Variants in TASP1 observed in about 807,000 individuals in gnomAD.
The protein encoded by TASP1 is threonine aspartase 1.
In TASP1, 16 loss-of-function variants were observed where a neutral mutation model predicts 56.6. The ratio of observed to expected loss-of-function variants is 0.28; its 90% confidence interval spans 0.19 to 0.43. The LOEUF (loss-of-function observed/expected upper bound fraction) is 0.43, where lower values mean the gene tolerates loss of function less well. Among genes scored for constraint, TASP1 ranks in the 20% least tolerant of loss-of-function variants. The pLI is 1.00. For synonymous variants in TASP1, 179 were observed against 184.2 expected (o/e 0.97, Z 0.23); for missense variants, 393 against 511.6 (o/e 0.77, Z 2.24).
At chr20:13,496,485 TAA>T (rs56129321) in intron 10 of TASP1, among the ~76,000 whole-genome samples, 57,827 of 146,536 alleles carry the variant, frequency 0.39, 11,359 homozygotes, top group Non-Finnish European at 0.43. Context: ...ATTTCCTACT[TAA>T]AAAAAAAAAA....
chr20:13,120,410 G>C, the TASP1 span, among the ~76,000 whole-genome samples: 3 of 152,184 alleles, frequency 2.0e-5, no homozygotes, highest in Non-Finnish European at 4.4e-5. Flanking sequence ...CTGAAACTGT[G>C]TATAATTTCA....
At chr20:13,334,422 C>A in the TASP1 span, among the ~76,000 whole-genome samples, 1 of 152,106 alleles carries the variant, frequency 6.6e-6, no homozygotes, top group South Asian at 2.1e-4. Flanking sequence ...TTAATGTGTT[C>A]TTTTAACTGG....
chr20:13,637,498 C>T (rs1156833648), intron 1 of TASP1, among the ~76,000 whole-genome samples: 2 of 152,184 alleles, frequency 1.3e-5, no homozygotes, highest in Non-Finnish European at 2.9e-5. Context: ...AAATGTCCAT[C>T]GACCGATGAT....
chr20:13,220,311 C>G, the TASP1 span, among the ~76,000 whole-genome samples: 1 of 152,216 alleles, frequency 6.6e-6, no homozygotes, highest in Non-Finnish European at 1.5e-5. Flanking sequence ...ACAGTTCGCT[C>G]TAGCATCTGA....
At chr20:13,303,271 T>C in the TASP1 span, among the ~76,000 whole-genome samples, 13 of 152,220 alleles carry the variant, frequency 8.5e-5, no homozygotes, top group African/African-American at 3.1e-4. Context: ...TGCTTTTCTG[T>C]GACTCACTGC....
chr20:13,337,609 T>C, the TASP1 span, among the ~76,000 whole-genome samples: 1 of 152,234 alleles, frequency 6.6e-6, no homozygotes. Flanking sequence ...AATTCACATG[T>C]GGCAGGCTTG....
At chr20:13,616,827 A>T (rs1385642845) in intron 4 of TASP1, 3 of 302,406 alleles carry the variant, frequency 9.9e-6, no homozygotes, top group Non-Finnish European at 6.6e-6. Context: ...TCAGTACTCA[A>T]AAAAGTGTTT....
At chr20:13,549,651 T>C (rs757980873) in intron 8 of TASP1, among the ~76,000 whole-genome samples, 10 of 152,138 alleles carry the variant, frequency 6.6e-5, no homozygotes, top group Admixed American at 3.3e-4. Context: ...TTTCCAGATA[T>C]GAAGGCTTCT....
rs73266840 is a variant in TASP1 at position 13,422,490 on chromosome 20, G to C, written c.1097-4969C>G. On this transcript the variant is annotated intron_variant, in intron 12 of 13. Coordinates refer to ENST00000337743, the MANE Select transcript of TASP1 (RefSeq NM_017714.3). Reference sequence around the variant, plus strand: ...CTGGAGCAGCCTCACATACAGATCAGTGAGTTTCCTCTTCTTTTATCTGGG... The same window carrying C: ...CTGGAGCAGCCTCACATACAGATCACTGAGTTTCCTCTTCTTTTATCTGGG... 3.6e-3 allele frequency among the ~76,000 whole-genome samples: 543 copies of C among 152,250 alleles called. 2 individuals carry two copies. The highest frequency in any genetic ancestry group is 0.012 in the African/African-American group (508 of 41,528).
the TASP1 span, among the ~76,000 whole-genome samples, chr20:13,184,042 A>G: frequency 1.6e-3 from 238 of 151,802 alleles, no homozygotes; most frequent in African/African-American, 2.6e-3. Flanking sequence ...AAAAAAAAAA[A>G]AAAGAAAGAA....
chr20:13,362,197 C>T, the TASP1 span, among the ~76,000 whole-genome samples: 1 of 150,710 alleles, frequency 6.6e-6, no homozygotes, highest in Non-Finnish European at 1.5e-5. Flanking sequence ...CACTTCAACA[C>T]TATTTTGTTT....
the TASP1 span, among the ~76,000 whole-genome samples, chr20:13,270,341 GA>G: frequency 1.3e-5 from 2 of 152,196 alleles, no homozygotes; most frequent in African/African-American, 4.8e-5. Context: ...TTTAAGACAT[GA>G]AGAAACTAAA....
the TASP1 span, among the ~76,000 whole-genome samples, chr20:13,223,188 A>AAAATAAAATAAAAT: frequency 1.8e-4 from 27 of 147,182 alleles, no homozygotes; most frequent in African/African-American, 7.0e-4. Context: ...AAAATAAAAT[A>AAAATAAAATAAAAT]AAATAAATAA....
chr20:13,635,733 C>T (rs1481461119), intron 1 of TASP1, among the ~76,000 whole-genome samples: 1 of 152,162 alleles, frequency 6.6e-6, no homozygotes, highest in Non-Finnish European at 1.5e-5. Flanking sequence ...AAACTATCCT[C>T]TCAGCAAATC....
intron 13 of TASP1, among the ~76,000 whole-genome samples, chr20:13,398,278 G>A (rs1210648440): frequency 6.6e-6 from 1 of 151,750 alleles, no homozygotes; most frequent in African/African-American, 2.4e-5. Flanking sequence ...TTACTGATCC[G>A]ACCCATGCCC....
chr20:13,182,498 C>T, the TASP1 span, among the ~76,000 whole-genome samples: 1 of 152,136 alleles, frequency 6.6e-6, no homozygotes, highest in Admixed American at 6.5e-5. Context: ...TCTGTTTTTA[C>T]TCTTCTGTCA....
chr20:13,184,239 CAAAAG>C, the TASP1 span, among the ~76,000 whole-genome samples: 1 of 151,872 alleles, frequency 6.6e-6, no homozygotes, highest in East Asian at 1.9e-4. Flanking sequence ...GATTATAGAA[CAAAAG>C]AGAAGAATAC....
At chr20:13,502,075 T>C (rs921255747) in intron 10 of TASP1, among the ~76,000 whole-genome samples, 2 of 151,938 alleles carry the variant, frequency 1.3e-5, no homozygotes, top group African/African-American at 2.4e-5. Flanking sequence ...ACATCAAATA[T>C]ATAAAAATCA....
chr20:13,471,333 G>A (rs1384238659), intron 11 of TASP1, among the ~76,000 whole-genome samples: 11 of 152,020 alleles, frequency 7.2e-5, no homozygotes, highest in Non-Finnish European at 1.2e-4. Flanking sequence ...TCCCACATAC[G>A]GCTACTGACT....
Sources: gnomAD v4.1 joint callset for allele counts (sites outside exome capture counted in the v4.1 genomes callset) on GRCh38, gnomAD v4.1.1 for gene constraint, MANE v1.5 for transcripts, NCBI Gene and HGNC (gene_info 2026-07-23, HGNC 2026-07-21) for gene names.